Variants in SNAP91 observed in about 807,000 individuals in gnomAD.
SNAP91 encodes synaptosome associated protein 91, also known as clathrin coat assembly protein AP180.
A neutral mutation model predicts 100.3 loss-of-function variants in SNAP91; 27 were observed. The observed-to-expected ratio is 0.27, with a 90% CI of 0.20 to 0.37. The LOEUF (loss-of-function observed/expected upper bound fraction) is 0.37, where lower values mean the gene tolerates loss of function less well. Ranked by LOEUF, SNAP91 falls within the 10% of genes least tolerant of loss-of-function variation. The pLI, the probability that SNAP91 is intolerant of heterozygous loss-of-function variation, is 1.00. For synonymous variants in SNAP91, 404 were observed against 398.6 expected (o/e 1.01, Z -0.16); for missense variants, 986 against 1,123.7 (o/e 0.88, Z 1.75).
chr6:83,659,320 T>C (rs1270766831), intron 5 of SNAP91, among the ~76,000 whole-genome samples: 4 of 152,116 alleles, frequency 2.6e-5, no homozygotes, highest in African/African-American at 9.7e-5. Context: ...GTACTGCCCT[T>C]AGGAAGAAAG....
intron 22 of SNAP91, among the ~76,000 whole-genome samples, chr6:83,582,691 A>C (rs1470656498): frequency 6.6e-6 from 1 of 152,226 alleles, no homozygotes; most frequent in Non-Finnish European, 1.5e-5. Flanking sequence ...GTCTCATTAC[A>C]TTGAAATTTT....
chr6:83,643,230 T>A (rs1275063480), intron 7 of SNAP91, among the ~76,000 whole-genome samples: 1 of 152,226 alleles, frequency 6.6e-6, no homozygotes, highest in Non-Finnish European at 1.5e-5. Context: ...TTTGTTGCCA[T>A]TGCTTTTGGT....
chr6:83,654,955 G>T (rs1326669986), intron 7 of SNAP91, among the ~76,000 whole-genome samples: 1 of 152,154 alleles, frequency 6.6e-6, no homozygotes, highest in African/African-American at 2.4e-5. Flanking sequence ...ATCTAGCAGA[G>T]ATGCCATTAA....
chr6:83,705,586 C>A (rs1350365788), intron 2 of SNAP91, among the ~76,000 whole-genome samples: 1 of 152,084 alleles, frequency 6.6e-6, no homozygotes, highest in Non-Finnish European at 1.5e-5. Context: ...GGGCAGATAA[C>A]CTGAGGGAAG....
chr6:83,610,157 C>A (rs1229222985), intron 12 of SNAP91, among the ~76,000 whole-genome samples: 1 of 152,030 alleles, frequency 6.6e-6, no homozygotes, highest in Non-Finnish European at 1.5e-5. Context: ...TATTTGTACA[C>A]CCATGTTCAC....
At chr6:83,678,651 T>G in intron 2 of SNAP91, 1 of 884,884 alleles carries the variant, frequency 1.1e-6, no homozygotes. Context: ...TTTTCTATTT[T>G]TCATTCCAAG....
intron 28 of SNAP91, among the ~76,000 whole-genome samples, chr6:83,558,300 T>G (rs1781803843): frequency 6.6e-6 from 1 of 152,176 alleles, no homozygotes; most frequent in Non-Finnish European, 1.5e-5. Context: ...CAAGGAAATA[T>G]TTATGATAAA....
rs1321434355 is a variant in SNAP91, at chr6:83,553,571, C to T, written c.*725G>A. ...AAATAGGTCAATTTAGATGCAAAAC[C>T]TGTCAAATATAATTAAAATATATAT... On this transcript the variant is annotated 3_prime_UTR_variant, in exon 30 of 30. Coordinates refer to ENST00000369694, the MANE Select transcript of SNAP91 (RefSeq NM_001242792.2). The T allele has an allele frequency of 6.6e-6, 1 of 151,870 alleles. No individual in the cohort carries two copies. Among genetic ancestry groups the T allele is most frequent in the Non-Finnish European group, 1.5e-5 (1 of 67,962 alleles). The allele number at this position is 151,870 out of a possible 1,614,324, so 9.4% of individuals were successfully genotyped here.
chr6:83,697,689 C>T (rs2099237348), intron 2 of SNAP91, among the ~76,000 whole-genome samples: 1 of 152,068 alleles, frequency 6.6e-6, no homozygotes, highest in Admixed American at 6.6e-5. Context: ...CAATATTACA[C>T]TTCTATTGCT....
chr6:83,580,435 AACT>A lies in SNAP91; in HGVS notation c.2299+12_2299+14del. 6.4e-7 allele frequency: 1 copy of A among 1,573,778 alleles called. No homozygotes were observed. The highest frequency in any genetic ancestry group is 1.2e-5 in the South Asian group (1 of 83,776). On this transcript the variant is annotated intron_variant, in intron 24 of 29. Coordinates refer to ENST00000369694, the MANE Select transcript of SNAP91 (RefSeq NM_001242792.2). ...GCTTCAGTTAAAGAAAAAAAAAAAAAACTAGATTACTCACTGCCTACTAAGCTG... is the reference window on the plus strand; with the variant it reads ...GCTTCAGTTAAAGAAAAAAAAAAAAAAGATTACTCACTGCCTACTAAGCTG...
At chr6:83,561,640 T>C (rs114054003) in intron 26 of SNAP91, among the ~76,000 whole-genome samples, 215 of 152,330 alleles carry the variant, frequency 1.4e-3, no homozygotes, top group African/African-American at 4.2e-3. Context: ...CCTATCATTA[T>C]ATCCTCTAAT....
chr6:83,638,314 G>A (rs2097544181), intron 8 of SNAP91, among the ~76,000 whole-genome samples: 1 of 151,904 alleles, frequency 6.6e-6, no homozygotes, highest in African/African-American at 2.4e-5. Context: ...CGATATTTTG[G>A]TTCCTCTTGG....
intron 16 of SNAP91, among the ~76,000 whole-genome samples, chr6:83,596,524 C>G (rs2094488793): frequency 6.6e-6 from 1 of 152,028 alleles, no homozygotes; most frequent in Admixed American, 6.6e-5. Flanking sequence ...AAACACATAG[C>G]AGTCATATAT....
In SNAP91 at chr6:83,588,739, A is replaced by C. The variant is rs528503057; in HGVS notation, c.2014+2472T>G. Among the ~76,000 whole-genome samples, 437 of 152,272 alleles carry C rather than the reference A, an allele frequency of 2.9e-3. 2 individuals carry two copies. The highest frequency in any genetic ancestry group is 4.9e-3 in the Non-Finnish European group (332 of 68,014). On this transcript the variant is annotated intron_variant, in intron 22 of 29. Transcript: ENST00000369694. ...TGGGAACACTCCCTTTTCCCACAGG[A>C]AAAGGCCTTTCAGCTCCAGTTTCTA... is the stretch of plus-strand genomic sequence containing the variant.
intron 8 of SNAP91, among the ~76,000 whole-genome samples, chr6:83,639,960 A>G (rs1197157731): frequency 6.6e-6 from 1 of 152,174 alleles, no homozygotes; most frequent in Non-Finnish European, 1.5e-5. Context: ...AAAAGAAAAA[A>G]TTTTAAGCAA....
At position 83,560,988 on chromosome 6, in the gene SNAP91, A is replaced by AACAC. The variant is rs766163100; in HGVS notation, c.2443-45_2443-42dup. On this transcript the variant is annotated intron_variant, in intron 26 of 29. Transcript: ENST00000369694. ...GACATACACATATAAATAACACAAA[A>AACAC]ACACACAAACACATGCACGACAATA... is the stretch of plus-strand genomic sequence containing the variant. The AACAC allele has an allele frequency of 5.6e-6, 7 of 1,252,244 alleles. No individual in the cohort carries two copies. The Admixed American group carries it at 1.6e-4, about 30-fold the overall frequency. The allele number at this position is 1,252,244 out of a possible 1,614,324, so 77.6% of individuals were successfully genotyped here.
rs548977898 is a variant in SNAP91 at position 83,702,198 on chromosome 6, T to C, written c.130+5600A>G. ...TTTTTCAAATTATTTAAATGCACTA[T>C]GATTATGTTTGAAGGTTCTCTTAGT... On this transcript the variant is annotated intron_variant, in intron 2 of 29. Transcript: ENST00000369694. 3.9e-5 allele frequency among the ~76,000 whole-genome samples: 6 copies of C among 152,332 alleles called. No individual in the cohort carries two copies. The East Asian group carries it at 7.7e-4, about 20-fold the overall frequency.
intron 2 of SNAP91, among the ~76,000 whole-genome samples, chr6:83,694,007 G>A (rs2099163273): frequency 6.6e-6 from 1 of 152,230 alleles, no homozygotes; most frequent in South Asian, 2.1e-4. Flanking sequence ...AGAAAAGAGT[G>A]CCAGGATTAA....
intron 2 of SNAP91, chr6:83,685,996 C>A (rs1562666627): frequency 5.9e-6 from 1 of 168,730 alleles, no homozygotes; most frequent in Non-Finnish European, 1.2e-5. Flanking sequence ...CCTTACCTCA[C>A]ATGTAAGCTC....
Sources: allele counts gnomAD v4.1 joint callset (sites outside exome capture counted in the v4.1 genomes callset), GRCh38; gene constraint gnomAD v4.1.1; transcripts MANE v1.5; gene names NCBI Gene and HGNC (gene_info 2026-07-23, HGNC 2026-07-21).